The following CNTNAP2 variants were observed in gnomAD, a reference collection of about 807,000 sequenced individuals.
CNTNAP2 encodes contactin associated protein 2.
CNTNAP2 carries 98 observed loss-of-function variants against 155.2 expected under a neutral mutation model. The observed-to-expected ratio is 0.63, with a 90% CI of 0.54 to 0.75. The LOEUF is 0.75. CNTNAP2 is among the 30% of genes least tolerant of loss of function. The pLI, the probability that CNTNAP2 is intolerant of heterozygous loss-of-function variation, is 0.00. For synonymous variants in CNTNAP2, 651 were observed against 631.2 expected (o/e 1.03, Z -0.47); for missense variants, 1,727 against 1,688.1 (o/e 1.02, Z -0.40).
intron 1 of CNTNAP2, among the ~76,000 whole-genome samples, chr7:146,627,925 C>G (rs1799446596): frequency 6.6e-6 from 1 of 151,890 alleles, no homozygotes; most frequent in African/African-American, 2.4e-5. Flanking sequence ...CAGTTTTGTT[C>G]TATTTGGTTT....
rs1280154794 is a variant in CNTNAP2, at chr7:147,583,531, T to TATAA, written c.1897+21275_1897+21276insTAAA. ...ATATATATATATATATATATATATA[T>TATAA]AATGTCAAACAGATTAAAATTAGTT... On this transcript the variant is annotated intron_variant, in intron 12 of 23. Transcript: ENST00000361727. Among the ~76,000 whole-genome samples, 84 of 140,602 alleles carry TATAA rather than the reference T, an allele frequency of 6.0e-4. 1 individual carries two copies. The highest frequency in any genetic ancestry group is 2.1e-3 in the African/African-American group (80 of 37,874). 92.2% of individuals were successfully genotyped at this position (140,602 alleles called of 152,430 possible).
intron 20 of CNTNAP2, among the ~76,000 whole-genome samples, chr7:148,245,089 G>A (rs879586068): frequency 2.0e-5 from 3 of 152,142 alleles, no homozygotes; most frequent in Admixed American, 1.3e-4. Flanking sequence ...AGTTGATTGA[G>A]AATACTTTTA....
At chr7:146,916,000 C>T (rs1404767260) in intron 3 of CNTNAP2, 5 of 152,042 alleles carry the variant, frequency 3.3e-5, no homozygotes, top group Non-Finnish European at 4.4e-5. Flanking sequence ...CCTTCTATGC[C>T]GATTTTGCTG....
At chr7:147,904,738 T>TA (rs1234563015) in intron 14 of CNTNAP2, among the ~76,000 whole-genome samples, 1 of 152,252 alleles carries the variant, frequency 6.6e-6, no homozygotes, top group Non-Finnish European at 1.5e-5. Context: ...TTTCTTCTAG[T>TA]AAATATAACA....
rs568777252 is a variant in CNTNAP2, at chr7:148,297,924, T to C, written c.3475+30798T>C. On this transcript the variant is annotated intron_variant, in intron 21 of 23. Coordinates refer to ENST00000361727, the MANE Select transcript of CNTNAP2 (RefSeq NM_014141.6). ...GAAGCACACATGGCCTGGCTGTGAG[T>C]TCCCAAACAGCTCCCCACGCTCAAG... 2.3e-3 allele frequency among the ~76,000 whole-genome samples: 348 copies of C among 152,030 alleles called. 2 individuals carry two copies. Among genetic ancestry groups the C allele is most frequent in the African/African-American group, 7.9e-3 (328 of 41,470 alleles).
At chr7:147,880,399 G>A (rs145479540) in intron 13 of CNTNAP2, among the ~76,000 whole-genome samples, 1 of 152,268 alleles carries the variant, frequency 6.6e-6, no homozygotes, top group East Asian at 1.9e-4. Context: ...TTTGAATTGG[G>A]CTTGAGATAC....
chr7:148,041,240 T>C (rs1184088853), intron 15 of CNTNAP2, among the ~76,000 whole-genome samples: 4 of 152,190 alleles, frequency 2.6e-5, no homozygotes, highest in African/African-American at 4.8e-5. Flanking sequence ...AGGCCTTTCA[T>C]AAAAAGTGTC....
At chr7:147,252,214 A>G (rs1804214564) in intron 8 of CNTNAP2, among the ~76,000 whole-genome samples, 1 of 152,190 alleles carries the variant, frequency 6.6e-6, no homozygotes. Context: ...TTGTCTGGTT[A>G]AAGATTAGGC....
chr7:147,349,702 T>C (rs1431913922), intron 9 of CNTNAP2, among the ~76,000 whole-genome samples: 2 of 151,970 alleles, frequency 1.3e-5, no homozygotes, highest in Non-Finnish European at 2.9e-5. Flanking sequence ...AACTCAGAGC[T>C]GATATAATAA....
chr7:148,061,380 C>T (rs1458978899), intron 15 of CNTNAP2, among the ~76,000 whole-genome samples: 1 of 151,712 alleles, frequency 6.6e-6, no homozygotes, highest in Non-Finnish European at 1.5e-5. Flanking sequence ...TTGAGACAGA[C>T]TGTCATTCTG....
At chr7:147,937,932 G>A (rs559669713) in intron 14 of CNTNAP2, among the ~76,000 whole-genome samples, 2 of 152,216 alleles carry the variant, frequency 1.3e-5, no homozygotes, top group East Asian at 3.9e-4. Flanking sequence ...TTGAACAAAT[G>A]CCTACTATGC....
chr7:147,027,966 T>G (rs2129249262), intron 3 of CNTNAP2, among the ~76,000 whole-genome samples: 1 of 152,232 alleles, frequency 6.6e-6, no homozygotes, highest in South Asian at 2.1e-4. Context: ...AATAAAGATG[T>G]TTAATAGAAA....
At chr7:147,070,305 T>C (rs968426920) in intron 4 of CNTNAP2, among the ~76,000 whole-genome samples, 2 of 152,188 alleles carry the variant, frequency 1.3e-5, no homozygotes, top group African/African-American at 2.4e-5. Context: ...AATAAAAATA[T>C]AAATAGACAT....
At chr7:148,024,085 T>C (rs1802332315) in intron 15 of CNTNAP2, among the ~76,000 whole-genome samples, 2 of 142,820 alleles carry the variant, frequency 1.4e-5, no homozygotes, top group South Asian at 2.3e-4. Context: ...TCCTTGGGAG[T>C]ACAATTTACA....
intron 16 of CNTNAP2, among the ~76,000 whole-genome samples, chr7:148,137,196 G>T (rs1464646671): frequency 6.6e-6 from 1 of 152,148 alleles, no homozygotes; most frequent in Non-Finnish European, 1.5e-5. Flanking sequence ...TCAACCCTTA[G>T]TTTCCTCATT....
intron 8 of CNTNAP2, among the ~76,000 whole-genome samples, chr7:147,148,222 C>G (rs1162532812): frequency 6.6e-6 from 1 of 151,518 alleles, no homozygotes; most frequent in Non-Finnish European, 1.5e-5. Flanking sequence ...AACCCCGTCT[C>G]TACTAAAAAT....
At chr7:146,858,806 A>G (rs1416089042) in intron 3 of CNTNAP2, among the ~76,000 whole-genome samples, 2 of 152,216 alleles carry the variant, frequency 1.3e-5, no homozygotes, top group East Asian at 3.8e-4. Flanking sequence ...CATTTTTATT[A>G]TAATGTAAGC....
At chr7:146,524,048 T>C (rs920998826) in intron 1 of CNTNAP2, among the ~76,000 whole-genome samples, 3 of 152,124 alleles carry the variant, frequency 2.0e-5, no homozygotes, top group Admixed American at 1.3e-4. Context: ...TTAATCAATA[T>C]CCCAGGGCAT....
At chr7:147,442,297 T>C (rs893720774) in intron 10 of CNTNAP2, among the ~76,000 whole-genome samples, 2 of 152,128 alleles carry the variant, frequency 1.3e-5, no homozygotes, top group African/African-American at 4.8e-5. Context: ...CCACTACAGG[T>C]CCTCAGTGAA....
Sources: gnomAD v4.1 joint callset for allele counts (sites outside exome capture counted in the v4.1 genomes callset) on GRCh38, gnomAD v4.1.1 for gene constraint, MANE v1.5 for transcripts, NCBI Gene and HGNC (gene_info 2026-07-23, HGNC 2026-07-21) for gene names.